Variants in TBC1D5 observed in about 807,000 individuals in gnomAD.
TBC1D5 encodes TBC1 domain family, member 5.
Under a neutral mutation model 100.3 loss-of-function variants are expected in TBC1D5, and 75 were observed. The observed-to-expected ratio is 0.75, with a 90% CI of 0.62 to 0.91. The LOEUF is 0.91. Among genes scored for constraint, TBC1D5 ranks in the 40% least tolerant of loss-of-function variants. The probability of loss-of-function intolerance (pLI) is 0.00; values close to 1 mark genes in which losing one functional copy is unlikely to be tolerated. For synonymous variants in TBC1D5, 323 were observed against 325.6 expected (o/e 0.99, Z 0.09); for missense variants, 910 against 942.4 (o/e 0.97, Z 0.45).
intron 13 of TBC1D5, among the ~76,000 whole-genome samples, chr3:17,309,571 T>C (rs2083765365): frequency 6.6e-6 from 1 of 152,086 alleles, no homozygotes; most frequent in Non-Finnish European, 1.5e-5. Context: ...CCACTACTAT[T>C]AATAAAATGA....
intron 2 of TBC1D5, among the ~76,000 whole-genome samples, chr3:17,577,040 T>C (rs1320587258): frequency 6.6e-6 from 1 of 151,824 alleles, no homozygotes; most frequent in African/African-American, 2.4e-5. Context: ...CACTGAATAA[T>C]AAGAAAAATG....
At chr3:17,444,020 T>C (rs1373507944) in intron 3 of TBC1D5, among the ~76,000 whole-genome samples, 2 of 152,166 alleles carry the variant, frequency 1.3e-5, no homozygotes, top group African/African-American at 4.8e-5. Context: ...AATTATCTTC[T>C]CATGAGCTAC....
chr3:17,314,451 A>G (rs2084416139), intron 13 of TBC1D5, among the ~76,000 whole-genome samples: 1 of 152,036 alleles, frequency 6.6e-6, no homozygotes, highest in Admixed American at 6.6e-5. Context: ...GGAATTTATA[A>G]AAGCCTCCTA....
exon 22 of TBC1D5, chr3:17,160,941 G>GGGGCAGGACTGGGCACTGTGGTCAGAT (rs1559322621): frequency 2.5e-6 from 4 of 1,601,652 alleles, no homozygotes; most frequent in Non-Finnish European, 3.4e-6. Context: ...AGATCCCTGT[G>GGGGCAGGACTGGGCACTGTGGTCAGAT]GGGCAGGACT....
intron 2 of TBC1D5, among the ~76,000 whole-genome samples, chr3:17,559,491 A>C (rs1322047040): frequency 6.6e-6 from 1 of 152,134 alleles, no homozygotes; most frequent in African/African-American, 2.4e-5. Context: ...TACAAATGCC[A>C]CAGGATATTT....
At chr3:17,380,340 T>C (rs1481773101) in intron 9 of TBC1D5, among the ~76,000 whole-genome samples, 1 of 152,084 alleles carries the variant, frequency 6.6e-6, no homozygotes, top group Non-Finnish European at 1.5e-5. Context: ...TCATCTAAAC[T>C]AGGGATTTTT....
intron 1 of TBC1D5, among the ~76,000 whole-genome samples, chr3:17,676,564 T>A (rs1216591507): frequency 6.6e-6 from 1 of 152,090 alleles, no homozygotes; most frequent in African/African-American, 2.4e-5. Context: ...ATCGTGAAAA[T>A]GGCCATACTG....
intron 18 of TBC1D5, among the ~76,000 whole-genome samples, chr3:17,204,906 T>A (rs758685590): frequency 4.6e-5 from 7 of 152,174 alleles, no homozygotes; most frequent in African/African-American, 1.7e-4. Context: ...ATTTGGGTGA[T>A]GCAAAAAGAT....
At chr3:17,178,312 A>G (rs1393936640) in intron 19 of TBC1D5, among the ~76,000 whole-genome samples, 2 of 151,278 alleles carry the variant, frequency 1.3e-5, no homozygotes, top group Non-Finnish European at 1.5e-5. Context: ...TGATCCACCC[A>G]CCTCGGCCTC....
intron 6 of TBC1D5, 40 bp from the exon 7 acceptor site, chr3:17,404,808 G>A (rs776342252): frequency 1.4e-5 from 22 of 1,584,196 alleles, no homozygotes; most frequent in Non-Finnish European, 1.7e-5. Flanking sequence ...AGGATCAGAG[G>A]CTACTGGACT....
chr3:17,507,620 T>C (rs2095857621), intron 3 of TBC1D5, among the ~76,000 whole-genome samples: 1 of 152,178 alleles, frequency 6.6e-6, no homozygotes. Context: ...ACACACATGA[T>C]TTACTATGAC....
At chr3:17,544,149 TG>T (rs1361634826) in intron 2 of TBC1D5, among the ~76,000 whole-genome samples, 1 of 152,152 alleles carries the variant, frequency 6.6e-6, no homozygotes, top group African/African-American at 2.4e-5. Context: ...ATTACAGATG[TG>T]GGCCACTGCA....
intron 1 of TBC1D5, among the ~76,000 whole-genome samples, chr3:17,690,841 A>C (rs2071044978): frequency 6.6e-6 from 1 of 152,192 alleles, no homozygotes; most frequent in African/African-American, 2.4e-5. Context: ...GGTGCCAAAA[A>C]GGGGGGACTG....
At chr3:17,538,352 G>A (rs540721095) in intron 2 of TBC1D5, among the ~76,000 whole-genome samples, 2 of 152,178 alleles carry the variant, frequency 1.3e-5, no homozygotes, top group East Asian at 3.9e-4. Context: ...CCTCTTATAC[G>A]ACCTTCCAAT....
chr3:17,705,571 G>A (rs1394879969), intron 1 of TBC1D5, among the ~76,000 whole-genome samples: 3 of 142,044 alleles, frequency 2.1e-5, no homozygotes, highest in Non-Finnish European at 4.7e-5. Context: ...TCCCAGACGG[G>A]GTCTCGGCCG....
intron 15 of TBC1D5, among the ~76,000 whole-genome samples, chr3:17,283,569 AC>A (rs1156803604): frequency 6.6e-6 from 1 of 152,152 alleles, no homozygotes; most frequent in Admixed American, 6.5e-5. Context: ...TATTGGCCTG[AC>A]CATGTGACGG....
In TBC1D5 at chr3:17,639,630, C is replaced by T. The variant is rs1288541668; in HGVS notation, c.-100-15717G>A. On this transcript the variant is annotated intron_variant, in intron 1 of 21. Coordinates refer to ENST00000253692, the Ensembl canonical transcript of TBC1D5. ...TGGTGGTATCTAAAGAAGGTTTCCA[C>T]CATAAAAAAGGGGGTCTGAGGGGAT... Among the ~76,000 whole-genome samples the T allele has an allele frequency of 3.3e-5, 5 of 152,110 alleles. No individual in the cohort carries two copies. In the East Asian group the frequency reaches 7.7e-4, roughly 24 times the overall value.
At chr3:17,532,410 T>C (rs934994947) in intron 2 of TBC1D5, among the ~76,000 whole-genome samples, 6 of 152,156 alleles carry the variant, frequency 3.9e-5, no homozygotes, top group East Asian at 1.9e-4. Flanking sequence ...AGTTCAACCA[T>C]TGTGGAAGTC....
intron 13 of TBC1D5, among the ~76,000 whole-genome samples, chr3:17,312,949 T>A (rs1226857479): frequency 6.6e-6 from 1 of 152,204 alleles, no homozygotes; most frequent in Non-Finnish European, 1.5e-5. Flanking sequence ...CTCTCTCTCA[T>A]ACACACATAC....
Sources: allele counts gnomAD v4.1 joint callset (sites outside exome capture counted in the v4.1 genomes callset), GRCh38; gene constraint gnomAD v4.1.1; transcripts MANE v1.5; gene names NCBI Gene and HGNC (gene_info 2026-07-23, HGNC 2026-07-21).